Variants in MYO10 observed in about 807,000 individuals in gnomAD.
The protein encoded by MYO10 is myosin X, also known as unconventional myosin-X.
Under a neutral mutation model 257.3 loss-of-function variants are expected in MYO10, and 133 were observed. The observed-to-expected ratio is 0.52, with a 90% CI of 0.45 to 0.60. MYO10 has a LOEUF of 0.60. MYO10 is among the 20% of genes least tolerant of loss of function. The pLI, the probability that MYO10 is intolerant of heterozygous loss-of-function variation, is 0.00. For missense variants in MYO10, 2,399 were observed against 2,635.7 expected (o/e 0.91, Z 1.97); for synonymous variants, 1,104 against 1,028.6 (o/e 1.07, Z -1.40).
chr5:16,870,013 T>C (rs1156753657), intron 2 of MYO10, among the ~76,000 whole-genome samples: 1 of 151,204 alleles, frequency 6.6e-6, no homozygotes, highest in African/African-American at 2.5e-5. Context: ...AACAATACAC[T>C]GTGATCTCCT....
At chr5:16,670,392 C>T (rs27430) in intron 39 of MYO10, 134 bp downstream of exon 39, 493,345 of 683,064 alleles carry the variant, frequency 0.72, 182,170 homozygotes, top group South Asian at 0.82. Flanking sequence ...TGGTACAATT[C>T]TGGGGGCTCG....
At chr5:16,755,460 C>T (rs777763004) in intron 18 of MYO10, among the ~76,000 whole-genome samples, 3 of 152,322 alleles carry the variant, frequency 2.0e-5, no homozygotes, top group Middle Eastern at 3.4e-3. Flanking sequence ...CCACCGCGCC[C>T]GGCCTGAAAT....
chr5:16,717,497 C>T (rs1269769673), intron 19 of MYO10, among the ~76,000 whole-genome samples: 1 of 152,128 alleles, frequency 6.6e-6, no homozygotes, highest in Non-Finnish European at 1.5e-5. Context: ...TTAAAGATCA[C>T]AATTTTAAGG....
At chr5:16,885,984 T>C (rs924222169) in intron 1 of MYO10, among the ~76,000 whole-genome samples, 2 of 151,944 alleles carry the variant, frequency 1.3e-5, no homozygotes, top group Non-Finnish European at 2.9e-5. Flanking sequence ...TCAAACAGAG[T>C]AGGGCACCCA....
intron 6 of MYO10, 77 bp downstream of exon 6, chr5:16,781,628 C>T: frequency 7.2e-7 from 1 of 1,394,654 alleles, no homozygotes; most frequent in Admixed American, 2.3e-5. Flanking sequence ...CATTCTTTTT[C>T]AATCCTTATA....
At chr5:16,869,257 T>A (rs1744379875) in intron 2 of MYO10, among the ~76,000 whole-genome samples, 1 of 145,552 alleles carries the variant, frequency 6.9e-6, no homozygotes, top group African/African-American at 2.6e-5. Flanking sequence ...GCCAGGATGG[T>A]CTCGATCTCC....
intron 3 of MYO10, 27 bp from the exon 4 acceptor site, chr5:16,794,860 G>A: frequency 7.0e-7 from 1 of 1,433,498 alleles, no homozygotes; most frequent in Non-Finnish European, 9.2e-7. Context: ...AGACAGGGAT[G>A]CGTCACTTCT....
At chr5:16,819,875 C>T (rs1436946484) in intron 2 of MYO10, among the ~76,000 whole-genome samples, 1 of 152,186 alleles carries the variant, frequency 6.6e-6, no homozygotes, top group East Asian at 1.9e-4. Context: ...GCCACATGAA[C>T]CACTAGAGTT....
intron 22 of MYO10, 78 bp from the exon 23 acceptor site, chr5:16,703,236 C>G: frequency 8.8e-7 from 1 of 1,136,182 alleles, no homozygotes; most frequent in South Asian, 1.5e-5. Flanking sequence ...CACATCAAGG[C>G]TACAAGACAA....
intron 28 of MYO10, among the ~76,000 whole-genome samples, chr5:16,689,220 A>T (rs1737381596): frequency 6.6e-6 from 1 of 152,220 alleles, no homozygotes; most frequent in South Asian, 2.1e-4. Flanking sequence ...AAAAGAGTTA[A>T]TATTTATGAA....
intron 19 of MYO10, among the ~76,000 whole-genome samples, chr5:16,727,841 T>C (rs1739430751): frequency 7.7e-6 from 1 of 129,038 alleles, no homozygotes; most frequent in African/African-American, 3.0e-5. Context: ...AAGATAAAAC[T>C]GGGGCACATA....
chr5:16,775,448 A>C (rs1246938922), intron 9 of MYO10, among the ~76,000 whole-genome samples: 1 of 152,122 alleles, frequency 6.6e-6, no homozygotes, highest in African/African-American at 2.4e-5. Flanking sequence ...TTTGTTTTTG[A>C]GACAGGGTCT....
At position 16,935,855 on chromosome 5, in the gene MYO10, G is replaced by A. The variant is rs1476842211; in HGVS notation, c.-47C>T. 1 of 1,608,774 alleles carries A rather than the reference G, an allele frequency of 6.2e-7. No homozygotes were observed. Among genetic ancestry groups the A allele is most frequent in the Non-Finnish European group, 8.5e-7 (1 of 1,178,094 alleles). On this transcript the variant is annotated 5_prime_UTR_variant, in exon 1 of 41. Transcript: ENST00000513610. Reference sequence around the variant, plus strand: ...TCGCCGAGTGCCGCTCCGACTCGCGGAAGTCAGCGCCGCCGCGGGTCCGGG... The same window carrying A: ...TCGCCGAGTGCCGCTCCGACTCGCGAAAGTCAGCGCCGCCGCGGGTCCGGG...
Position 16,665,280 on chromosome 5 carries a change from G to A in MYO10, c.*1412C>T, listed in dbSNP as rs1736108597. ...CTCCATGGTTTTTAGAGCCTCCTCT[G>A]ATAAAGGAAACACACAGCGTGTTAG... On this transcript the variant is annotated 3_prime_UTR_variant, in exon 41 of 41. Transcript: ENST00000513610. 6.6e-6 allele frequency: 1 copy of A among 151,666 alleles called. No individual in the cohort carries two copies. The highest frequency in any genetic ancestry group is 1.5e-5 in the Non-Finnish European group (1 of 67,980). The allele number at this position is 151,666 out of a possible 1,614,324, so 9.4% of individuals were successfully genotyped here.
chr5:16,715,392 ATTTTTTTT>A (rs372307063), intron 19 of MYO10, among the ~76,000 whole-genome samples: 3 of 84,366 alleles, frequency 3.6e-5, no homozygotes, highest in Middle Eastern at 0.011. Flanking sequence ...TAAGATTGAA[ATTTTTTTT>A]TTTTTTTTTT....
At chr5:16,927,880 A>G (rs1164623991) in intron 1 of MYO10, among the ~76,000 whole-genome samples, 2 of 152,206 alleles carry the variant, frequency 1.3e-5, no homozygotes, top group African/African-American at 2.4e-5. Context: ...GCCTGGTGGA[A>G]ATATTTTCTG....
At chr5:16,829,796 G>A (rs74883865) in intron 2 of MYO10, among the ~76,000 whole-genome samples, 2,489 of 152,138 alleles carry the variant, frequency 0.016, 44 homozygotes, top group African/African-American at 0.043. Context: ...GAAAGGCCTC[G>A]GTGATACCCA....
At chr5:16,804,970 T>C (rs887151387) in intron 3 of MYO10, among the ~76,000 whole-genome samples, 10 of 152,172 alleles carry the variant, frequency 6.6e-5, no homozygotes, top group Non-Finnish European at 1.3e-4. Context: ...GTCAAGGACA[T>C]CTTATCTCCC....
At chr5:16,800,773 T>G (rs765060287) in intron 3 of MYO10, among the ~76,000 whole-genome samples, 65 of 152,116 alleles carry the variant, frequency 4.3e-4, no homozygotes, top group Non-Finnish European at 7.2e-4. Flanking sequence ...AAATCTCCTG[T>G]GGAATGAAAG....
Sources: allele counts gnomAD v4.1 joint callset (sites outside exome capture counted in the v4.1 genomes callset), GRCh38; gene constraint gnomAD v4.1.1; transcripts MANE v1.5; gene names NCBI Gene and HGNC (gene_info 2026-07-23, HGNC 2026-07-21).